Variants in KDM4C observed in about 807,000 individuals in gnomAD.
KDM4C encodes lysine-specific demethylase 4C.
A neutral mutation model predicts 129.3 loss-of-function variants in KDM4C; 81 were observed. That is an observed-to-expected ratio of 0.63 (90% CI 0.52 to 0.75). KDM4C has a LOEUF of 0.75. Ranked by LOEUF, KDM4C falls within the 30% of genes least tolerant of loss-of-function variation. The pLI is 0.00. For synonymous variants in KDM4C, 573 were observed against 456.1 expected (o/e 1.26, Z -3.26); for missense variants, 1,457 against 1,304.0 (o/e 1.12, Z -1.81).
Position 6,816,476 on chromosome 9 carries a change from C to G in KDM4C, c.435+1731C>G, listed in dbSNP as rs184401383. ...CATTTTCTTCTTTTGTTTAACAGTA[C>G]AGCTCAGTGTGGCCTGTTTCTGAAT... On this transcript the variant is annotated intron_variant, in intron 4 of 21. Transcript: ENST00000381309. Among the ~76,000 whole-genome samples the G allele has an allele frequency of 1.3e-4, 20 of 152,306 alleles. No individual in the cohort carries two copies. The East Asian group carries it at 3.8e-3, about 29-fold the overall frequency.
rs1284502500 is a variant in KDM4C, at chr9:6,893,087, C to T, written c.784-8C>T. ...TTTACAAAATATTATATGTTTCCTA[C>T]CTTGCAGATAACCCAGGAGGCTGGA... On this transcript the variant is annotated splice_region_variant and splice_polypyrimidine_tract_variant and intron_variant, in intron 7 of 21. Transcript: ENST00000381309. The T allele has an allele frequency of 2.0e-5, 30 of 1,520,266 alleles. No homozygotes were observed. The highest frequency in any genetic ancestry group is 2.5e-5 in the Non-Finnish European group (28 of 1,132,746). The allele number at this position is 1,520,266 out of a possible 1,614,324, so 94.2% of individuals were successfully genotyped here. A position where few individuals can be genotyped will look rare whatever the true frequency, so the allele number is the denominator to read the frequency against.
intron 1 of KDM4C, among the ~76,000 whole-genome samples, chr9:6,786,803 T>G (rs534290092): frequency 6.6e-6 from 1 of 152,220 alleles, no homozygotes; most frequent in Non-Finnish European, 1.5e-5. Flanking sequence ...TGAATGTAAG[T>G]AGGCACCTCC....
chr9:6,751,466 T>C (rs554493712), intron 1 of KDM4C, among the ~76,000 whole-genome samples: 39 of 152,056 alleles, frequency 2.6e-4, no homozygotes, highest in African/African-American at 8.7e-4. Flanking sequence ...ATAATAATAA[T>C]AATCAGCCTA....
intron 1 of KDM4C, among the ~76,000 whole-genome samples, chr9:6,773,768 C>T (rs534836400): frequency 7.3e-6 from 1 of 136,496 alleles, no homozygotes; most frequent in Non-Finnish European, 1.5e-5. Context: ...GAGACTCTGT[C>T]TCAAAAAAAA....
chr9:6,862,972 G>T (rs760644847), intron 5 of KDM4C, among the ~76,000 whole-genome samples: 51 of 152,120 alleles, frequency 3.4e-4, no homozygotes, highest in Middle Eastern at 3.2e-3. Flanking sequence ...TTCATGGATG[G>T]TGTAATTATC....
At chr9:7,020,079 G>A (rs1040888424) in intron 15 of KDM4C, among the ~76,000 whole-genome samples, 20 of 152,000 alleles carry the variant, frequency 1.3e-4, no homozygotes, top group Non-Finnish European at 1.0e-4. Flanking sequence ...AGCTTCAGAC[G>A]TCACTCTGAT....
At chr9:7,074,959 C>T (rs1833724515) in intron 17 of KDM4C, among the ~76,000 whole-genome samples, 1 of 152,122 alleles carries the variant, frequency 6.6e-6, no homozygotes, top group South Asian at 2.1e-4. Flanking sequence ...TCCTGCCATA[C>T]CCAGCGAATG....
At chr9:6,867,688 ATTTC>A (rs1382612107) in intron 5 of KDM4C, among the ~76,000 whole-genome samples, 4 of 152,120 alleles carry the variant, frequency 2.6e-5, no homozygotes, top group Admixed American at 2.6e-4. Context: ...TGTTTTTCCA[ATTTC>A]TTCATTACTT....
At chr9:7,095,293 A>C (rs1836292342) in intron 17 of KDM4C, among the ~76,000 whole-genome samples, 1 of 152,260 alleles carries the variant, frequency 6.6e-6, no homozygotes, top group Non-Finnish European at 1.5e-5. Flanking sequence ...AAACGTCAGC[A>C]AACCACAGCT....
intron 8 of KDM4C, among the ~76,000 whole-genome samples, chr9:6,939,143 G>C (rs1026574383): frequency 2.6e-5 from 4 of 151,736 alleles, no homozygotes; most frequent in African/African-American, 9.7e-5. Context: ...TGCACCATAG[G>C]AGGTGAGCTA....
At chr9:6,986,966 A>C in intron 11 of KDM4C, 1 of 278,990 alleles carries the variant, frequency 3.6e-6, no homozygotes. Flanking sequence ...CAGTTGTGGG[A>C]AATAGTGCAC....
intron 15 of KDM4C, among the ~76,000 whole-genome samples, chr9:7,020,807 T>TA (rs915772537): frequency 5.9e-5 from 9 of 152,228 alleles, no homozygotes; most frequent in African/African-American, 2.2e-4. Flanking sequence ...TGCTTTGTGT[T>TA]ACAAACAATC....
chr9:7,141,182 G>A, intron 19 of KDM4C, among the ~76,000 whole-genome samples: 1 of 152,300 alleles, frequency 6.6e-6, no homozygotes, highest in African/African-American at 2.4e-5. Flanking sequence ...AAAGTCCACA[G>A]GGGTGTCCAA....
chr9:6,795,598 C>A (rs569557030), intron 2 of KDM4C, among the ~76,000 whole-genome samples: 1 of 152,200 alleles, frequency 6.6e-6, no homozygotes, highest in African/African-American at 2.4e-5. Context: ...TCCCAAAATG[C>A]TGGGATTATA....
chr9:6,834,041 G>GTTTTTTTTTTTTT (rs368060541), intron 4 of KDM4C, among the ~76,000 whole-genome samples: 6 of 57,776 alleles, frequency 1.0e-4, no homozygotes, highest in African/African-American at 2.5e-4. Context: ...TCAAGAGATA[G>GTTTTTTTTTTTTT]TCTTTTTTTT....
At chr9:7,151,657 C>T (rs1343715549) in intron 19 of KDM4C, among the ~76,000 whole-genome samples, 2 of 152,092 alleles carry the variant, frequency 1.3e-5, no homozygotes, top group Non-Finnish European at 2.9e-5. Flanking sequence ...CCGGCCTGGG[C>T]GACAGGAGTG....
intron 8 of KDM4C, among the ~76,000 whole-genome samples, chr9:6,911,137 A>T (rs1409855147): frequency 6.6e-6 from 1 of 152,230 alleles, no homozygotes; most frequent in East Asian, 1.9e-4. Context: ...TTATTTTTTT[A>T]AAAGGGCTGG....
intron 1 of KDM4C, among the ~76,000 whole-genome samples, chr9:6,744,525 A>C (rs953637550): frequency 6.6e-6 from 1 of 152,158 alleles, no homozygotes; most frequent in South Asian, 2.1e-4. Context: ...CTTCATCTCA[A>C]AAAAAAGAAA....
chr9:6,919,560 T>A (rs1260645831), intron 8 of KDM4C, among the ~76,000 whole-genome samples: 2 of 150,528 alleles, frequency 1.3e-5, no homozygotes, highest in African/African-American at 4.9e-5. Flanking sequence ...TCTATCTATC[T>A]ATCTATCTAT....
Sources: allele counts gnomAD v4.1 joint callset (sites outside exome capture counted in the v4.1 genomes callset), GRCh38; gene constraint gnomAD v4.1.1; transcripts MANE v1.5; gene names NCBI Gene and HGNC (gene_info 2026-07-23, HGNC 2026-07-21).